The following GSG1L variants were observed in gnomAD, a reference collection of about 807,000 sequenced individuals.
GSG1L encodes the protein germ cell-specific gene 1-like protein.
A neutral mutation model predicts 42.1 loss-of-function variants in GSG1L; 24 were observed. The ratio of observed to expected loss-of-function variants is 0.57; its 90% CI spans 0.41 to 0.80. The LOEUF (loss-of-function observed/expected upper bound fraction) is 0.80. Among genes scored for constraint, GSG1L ranks in the 30% least tolerant of loss-of-function variants. The pLI, the probability that GSG1L is intolerant of heterozygous loss-of-function variation, is 0.00. For missense variants in GSG1L, 445 were observed against 472.2 expected (o/e 0.94, Z 0.53); for synonymous variants, 215 against 203.5 (o/e 1.06, Z -0.48).
intron 2 of GSG1L, among the ~76,000 whole-genome samples, chr16:27,948,933 T>TATTA (rs1269716618): frequency 2.0e-5 from 3 of 150,206 alleles, no homozygotes; most frequent in South Asian, 2.1e-4. Flanking sequence ...TTATTATTAT[T>TATTA]TTGAGAAAAG....
intron 2 of GSG1L, among the ~76,000 whole-genome samples, chr16:27,892,217 G>A: frequency 6.6e-6 from 1 of 152,106 alleles, no homozygotes; most frequent in Admixed American, 6.5e-5. Context: ...CGCTTTGAGA[G>A]GCCGAGCTGG....
At chr16:27,858,689 C>A (rs57468000) in intron 3 of GSG1L, among the ~76,000 whole-genome samples, 2,657 of 152,324 alleles carry the variant, frequency 0.017, 77 homozygotes, top group African/African-American at 0.061. Flanking sequence ...CACAGTGTCT[C>A]ATGTCTGTAA....
At chr16:27,888,856 G>A (rs184676537) in intron 2 of GSG1L, among the ~76,000 whole-genome samples, 191 of 151,746 alleles carry the variant, frequency 1.3e-3, no homozygotes, top group African/African-American at 4.3e-3. Flanking sequence ...GACCTCAAAT[G>A]ATCCACCCAC....
intron 1 of GSG1L, among the ~76,000 whole-genome samples, chr16:27,965,957 A>T (rs1040423450): frequency 1.3e-5 from 2 of 149,618 alleles, no homozygotes; most frequent in Middle Eastern, 6.7e-3. Flanking sequence ...TCTCTCCATC[A>T]CCTCCCTGAC....
chr16:28,017,985 T>C (rs1332701858), intron 1 of GSG1L, among the ~76,000 whole-genome samples: 1 of 152,238 alleles, frequency 6.6e-6, no homozygotes, highest in Non-Finnish European at 1.5e-5. Flanking sequence ...CTTCTTAGAC[T>C]ATACAGATAT....
intron 4 of GSG1L, among the ~76,000 whole-genome samples, chr16:27,844,372 C>G (rs1325795556): frequency 6.6e-6 from 1 of 152,154 alleles, no homozygotes; most frequent in African/African-American, 2.4e-5. Context: ...TGGAGTCCAC[C>G]TACCCCATCA....
At chr16:28,023,809 G>A (rs1311913487) in intron 1 of GSG1L, among the ~76,000 whole-genome samples, 1 of 152,164 alleles carries the variant, frequency 6.6e-6, no homozygotes, top group Non-Finnish European at 1.5e-5. Context: ...AGGATCGCTT[G>A]AGCCAAGGAG....
intron 1 of GSG1L, among the ~76,000 whole-genome samples, chr16:28,028,211 T>C (rs1005391745): frequency 6.6e-6 from 1 of 152,126 alleles, no homozygotes; most frequent in African/African-American, 2.4e-5. Context: ...AATTTCCTTA[T>C]CTAGCCAGTG....
intron 1 of GSG1L, among the ~76,000 whole-genome samples, chr16:27,973,586 G>A (rs935136223): frequency 4.6e-5 from 7 of 151,948 alleles, no homozygotes; most frequent in Non-Finnish European, 1.0e-4. Context: ...TGACATGCAG[G>A]TACCATCACA....
chr16:27,999,622 C>T (rs1437798091), intron 1 of GSG1L, among the ~76,000 whole-genome samples: 1 of 152,176 alleles, frequency 6.6e-6, no homozygotes, highest in Non-Finnish European at 1.5e-5. Context: ...CTTAGCTAAG[C>T]TCTTATAAGC....
chr16:27,873,214 CA>C (rs1280289603), intron 3 of GSG1L, among the ~76,000 whole-genome samples: 1 of 152,116 alleles, frequency 6.6e-6, no homozygotes, highest in Non-Finnish European at 1.5e-5. Context: ...TTCTAAAATC[CA>C]AATGTTTTTT....
At chr16:28,037,728 T>C (rs923661242) in intron 1 of GSG1L, among the ~76,000 whole-genome samples, 14 of 152,352 alleles carry the variant, frequency 9.2e-5, no homozygotes, top group African/African-American at 3.4e-4. Flanking sequence ...TTCTATCAAA[T>C]TGCAATGGAC....
At position 28,028,246 on chromosome 16, in the gene GSG1L, G is replaced by A. The variant is rs192705709; in HGVS notation, c.349+34830C>T. ...GTAGTTGATGGGCCATGAAGGCCAA[G>A]GGAGTTATTACATGAGAAGTGCCTA... On this transcript the variant is annotated intron_variant, in intron 1 of 6. Transcript: ENST00000447459. 7.5e-3 allele frequency among the ~76,000 whole-genome samples: 1,139 copies of A among 152,224 alleles called. 9 individuals are homozygous for A. The highest frequency in any genetic ancestry group is 0.031 in the Middle Eastern group (9 of 294).
At chr16:27,861,116 C>T (rs1200204732) in intron 3 of GSG1L, among the ~76,000 whole-genome samples, 1 of 152,092 alleles carries the variant, frequency 6.6e-6, no homozygotes, top group Non-Finnish European at 1.5e-5. Flanking sequence ...GCTTGTAATC[C>T]CAGCACTCTG....
At chr16:27,908,252 C>G (rs1213818721) in intron 2 of GSG1L, among the ~76,000 whole-genome samples, 1 of 152,354 alleles carries the variant, frequency 6.6e-6, no homozygotes, top group African/African-American at 2.4e-5. Context: ...GTCAGCCAAA[C>G]AGTCTGTCTG....
intron 5 of GSG1L, among the ~76,000 whole-genome samples, chr16:27,808,629 G>T (rs1027960778): frequency 6.6e-6 from 1 of 152,168 alleles, no homozygotes; most frequent in African/African-American, 2.4e-5. Context: ...ATGTTGGCCA[G>T]TCTGGTCTCA....
At chr16:27,970,460 T>C (rs1333139035) in intron 1 of GSG1L, among the ~76,000 whole-genome samples, 1 of 151,864 alleles carries the variant, frequency 6.6e-6, no homozygotes, top group Non-Finnish European at 1.5e-5. Flanking sequence ...TAATCCCAGC[T>C]ACTTGGGAGG....
chr16:27,911,831 C>A (rs1000776020), intron 2 of GSG1L, among the ~76,000 whole-genome samples: 1 of 152,188 alleles, frequency 6.6e-6, no homozygotes, highest in Non-Finnish European at 1.5e-5. Context: ...CCCCGCTTTA[C>A]TTTTCTCCAC....
intron 1 of GSG1L, among the ~76,000 whole-genome samples, chr16:28,054,564 G>A (rs1193093333): frequency 6.6e-6 from 1 of 152,062 alleles, no homozygotes; most frequent in Non-Finnish European, 1.5e-5. Flanking sequence ...AGGAGACGGA[G>A]GTTACAGTAA....
Sources: gnomAD v4.1 joint callset for allele counts (sites outside exome capture counted in the v4.1 genomes callset) on GRCh38, gnomAD v4.1.1 for gene constraint, MANE v1.5 for transcripts, NCBI Gene and HGNC (gene_info 2026-07-23, HGNC 2026-07-21) for gene names.